The following PLOD2 variants were observed in gnomAD, a reference collection of about 807,000 sequenced individuals.
PLOD2 encodes procollagen-lysine,2-oxoglutarate 5-dioxygenase 2.
Under a neutral mutation model 101.0 loss-of-function variants are expected in PLOD2, and 65 were observed. The ratio of observed to expected loss-of-function variants is 0.64; its 90% confidence interval spans 0.53 to 0.79. PLOD2 has a LOEUF of 0.79. Ranked by LOEUF, PLOD2 falls within the 30% of genes least tolerant of loss-of-function variation. The pLI is 0.00. For synonymous variants in PLOD2, 314 were observed against 302.9 expected (o/e 1.04, Z -0.38); for missense variants, 909 against 914.6 (o/e 0.99, Z 0.08).
At chr3:146,158,032 A>C (rs1298776045) in intron 1 of PLOD2, among the ~76,000 whole-genome samples, 1 of 152,230 alleles carries the variant, frequency 6.6e-6, no homozygotes, top group African/African-American at 2.4e-5. Context: ...GTTTTTGCCC[A>C]AAACTTGGTT....
Position 146,102,742 on chromosome 3 carries a change from A to T in PLOD2, c.777+13T>A. ...CTCCAAGAATTGGCCAAATAAAAGTAACTGTTACTTACCTTGGTGGGTCCA... is the reference window on the plus strand; with the variant it reads ...CTCCAAGAATTGGCCAAATAAAAGTTACTGTTACTTACCTTGGTGGGTCCA... On this transcript the variant is annotated intron_variant, in intron 7 of 19. Coordinates refer to ENST00000282903, the MANE Select transcript of PLOD2 (RefSeq NM_182943.3). 7.6e-7 allele frequency: 1 copy of T among 1,310,196 alleles called. No homozygotes were observed. The highest frequency in any genetic ancestry group is 1.1e-6 in the Non-Finnish European group (1 of 902,576). The allele number at this position is 1,310,196 out of a possible 1,614,324, so 81.2% of individuals were successfully genotyped here. A position where few individuals can be genotyped will look rare whatever the true frequency, so the allele number is the denominator to read the frequency against.
chr3:146,104,749 A>G (rs1937508360), intron 5 of PLOD2, among the ~76,000 whole-genome samples: 1 of 152,218 alleles, frequency 6.6e-6, no homozygotes, highest in Non-Finnish European at 1.5e-5. Flanking sequence ...TCTAGGGTCT[A>G]TGGAAGACTG....
intron 16 of PLOD2, among the ~76,000 whole-genome samples, chr3:146,072,965 A>C (rs1274962119): frequency 6.6e-6 from 1 of 151,686 alleles, no homozygotes; most frequent in East Asian, 1.9e-4. Context: ...AAGACAGCCC[A>C]GTTTCTTCCA....
At chr3:146,115,269 T>A (rs1447983629) in intron 3 of PLOD2, among the ~76,000 whole-genome samples, 1 of 152,108 alleles carries the variant, frequency 6.6e-6, no homozygotes, top group Non-Finnish European at 1.5e-5. Flanking sequence ...GAAAATAAAA[T>A]TTTCCACATA....
chr3:146,096,764 GC>G (rs921974134), intron 7 of PLOD2, among the ~76,000 whole-genome samples: 1 of 148,494 alleles, frequency 6.7e-6, no homozygotes, highest in Admixed American at 6.6e-5. Flanking sequence ...GGGGGGGTCA[GC>G]CCCCCGCCCA....
At chr3:146,104,763 A>C (rs527617762) in intron 5 of PLOD2, among the ~76,000 whole-genome samples, 1 of 152,322 alleles carries the variant, frequency 6.6e-6, no homozygotes, top group Admixed American at 6.5e-5. Context: ...AAGACTGCTT[A>C]TTGTACCCAA....
intron 7 of PLOD2, among the ~76,000 whole-genome samples, 184 bp downstream of exon 7, chr3:146,102,571 A>C (rs1477356808): frequency 6.6e-6 from 1 of 152,222 alleles, no homozygotes; most frequent in Non-Finnish European, 1.5e-5. Context: ...GCTGAGGAAA[A>C]ATCAGTTTGA....
At chr3:146,092,399 A>G (rs913304733) in intron 7 of PLOD2, among the ~76,000 whole-genome samples, 3 of 152,028 alleles carry the variant, frequency 2.0e-5, no homozygotes, top group Non-Finnish European at 4.4e-5. Context: ...CTTTGTCACC[A>G]AAAGACACTA....
At chr3:146,116,316 T>C (rs1189677145) in intron 3 of PLOD2, among the ~76,000 whole-genome samples, 1 of 152,000 alleles carries the variant, frequency 6.6e-6, no homozygotes, top group Non-Finnish European at 1.5e-5. Flanking sequence ...CAGTTGACTT[T>C]GCACAACAGA....
At chr3:146,072,058 C>T (rs1936161496) in intron 17 of PLOD2, among the ~76,000 whole-genome samples, 1 of 151,672 alleles carries the variant, frequency 6.6e-6, no homozygotes, top group Admixed American at 6.6e-5. Context: ...CACATCTAAC[C>T]ACTGGCAGTA....
At chr3:146,159,587 A>G (rs11919284) in intron 1 of PLOD2, among the ~76,000 whole-genome samples, 50,648 of 152,096 alleles carry the variant, frequency 0.33, 8,577 homozygotes, top group South Asian at 0.42. Flanking sequence ...AAATTTCTCT[A>G]CTTCCAAATT....
At position 146,077,857 on chromosome 3, in the gene PLOD2, A is replaced by G; in HGVS notation, c.1563+5T>C. The stretch of plus-strand genomic sequence containing the variant: ...AAAAATAAATAAAATAAGTAAAAAT[A>G]ACACCTTTGGGGGGCTGAGCATTTG... On this transcript the variant is annotated splice_donor_5th_base_variant and intron_variant, in intron 14 of 19. Transcript: ENST00000282903. The G allele has an allele frequency of 6.5e-7, 1 of 1,538,886 alleles. No homozygotes were observed. The highest frequency in any genetic ancestry group is 8.9e-7 in the Non-Finnish European group (1 of 1,119,708).
intron 1 of PLOD2, among the ~76,000 whole-genome samples, chr3:146,155,774 G>A (rs1040460188): frequency 1.3e-5 from 2 of 151,774 alleles, no homozygotes; most frequent in Admixed American, 6.6e-5. Flanking sequence ...TCAGTTTGGG[G>A]AGGCAAGCAT....
Position 146,072,685 on chromosome 3 carries a change from G to A in PLOD2, c.1744-20C>T, listed in dbSNP as rs201071953. 6.3e-5 allele frequency: 87 copies of A among 1,384,360 alleles called. No individual in the cohort carries two copies. The Middle Eastern group carries it at 7.2e-4, about 11-fold the overall frequency. 85.8% of individuals were successfully genotyped at this position (1,384,360 alleles called of 1,614,324 possible). On this transcript the variant is annotated intron_variant, in intron 16 of 19. Transcript: ENST00000282903. ...ACAGGGCTATAAAATATGCATCATC[G>A]TTAGAAGACATAATAACTTCTGTGT... is the stretch of plus-strand genomic sequence containing the variant.
chr3:146,080,259 T>A (rs1335400376), intron 12 of PLOD2, among the ~76,000 whole-genome samples: 1 of 150,832 alleles, frequency 6.6e-6, no homozygotes, highest in African/African-American at 2.5e-5. Context: ...TATATACTTA[T>A]AATAAAGTTT....
chr3:146,099,570 T>C (rs1391657800), intron 7 of PLOD2, among the ~76,000 whole-genome samples: 3 of 152,014 alleles, frequency 2.0e-5, no homozygotes, highest in East Asian at 1.9e-4. Flanking sequence ...CTTTTTTTTT[T>C]CTTTGTATTT....
intron 6 of PLOD2, 120 bp from the exon 7 acceptor site, chr3:146,102,972 T>C: frequency 6.2e-6 from 4 of 644,486 alleles, no homozygotes; most frequent in Non-Finnish European, 1.1e-5. Context: ...ATGGATGTAA[T>C]ATTCCAAGTG....
chr3:146,146,523 G>A (rs1476255451), intron 1 of PLOD2, among the ~76,000 whole-genome samples: 1 of 152,084 alleles, frequency 6.6e-6, no homozygotes, highest in African/African-American at 2.4e-5. Flanking sequence ...GGACGGAGAG[G>A]GAGAGAAAGA....
At chr3:146,146,443 T>A (rs543331229) in intron 1 of PLOD2, among the ~76,000 whole-genome samples, 2 of 152,150 alleles carry the variant, frequency 1.3e-5, no homozygotes, top group Non-Finnish European at 2.9e-5. Context: ...GTCAGAAGGA[T>A]ACGGTTTACC....
Sources: gnomAD v4.1 joint callset for allele counts (sites outside exome capture counted in the v4.1 genomes callset) on GRCh38, gnomAD v4.1.1 for gene constraint, MANE v1.5 for transcripts, NCBI Gene and HGNC (gene_info 2026-07-23, HGNC 2026-07-21) for gene names.